The following DTNBP1 variants were observed in gnomAD, a reference collection of about 807,000 sequenced individuals.
DTNBP1 encodes the protein dysbindin.
In DTNBP1, 35 loss-of-function variants were observed where a neutral mutation model predicts 42.8. That is an observed-to-expected ratio of 0.82 (90% confidence interval 0.63 to 1.09). DTNBP1 has a LOEUF of 1.09. DTNBP1 is among the 50% of genes least tolerant of loss of function. The pLI, the probability that DTNBP1 is intolerant of heterozygous loss-of-function variation, is 0.00. For synonymous variants in DTNBP1, 171 were observed against 162.2 expected (o/e 1.05, Z -0.41); for missense variants, 457 against 424.2 (o/e 1.08, Z -0.68).
intron 3 of DTNBP1, among the ~76,000 whole-genome samples, chr6:15,648,982 G>C (rs1206532044): frequency 6.6e-6 from 1 of 150,612 alleles, no homozygotes; most frequent in African/African-American, 2.5e-5. Context: ...ATACTCATTA[G>C]AGTAGCTATA....
At chr6:15,607,912 CCT>C (rs1554167909) in intron 6 of DTNBP1, among the ~76,000 whole-genome samples, 1 of 152,068 alleles carries the variant, frequency 6.6e-6, no homozygotes, top group Non-Finnish European at 1.5e-5. Flanking sequence ...ACCTTTCTGC[CCT>C]GTTTTTCACA....
At chr6:15,662,633 C>T (rs1248515053) in intron 1 of DTNBP1, among the ~76,000 whole-genome samples, 181 bp downstream of exon 1, 1 of 152,032 alleles carries the variant, frequency 6.6e-6, no homozygotes, top group Non-Finnish European at 1.5e-5. Context: ...ACCTAAGTTA[C>T]TTTGCGCCGC....
intron 7 of DTNBP1, among the ~76,000 whole-genome samples, chr6:15,573,066 T>A (rs2113533890): frequency 6.6e-6 from 1 of 152,350 alleles, no homozygotes; most frequent in East Asian, 1.9e-4. Context: ...CACTGCCTAA[T>A]ATGTACACAT....
chr6:15,652,182 G>T (rs1562014879), intron 1 of DTNBP1, 42 bp from the exon 2 acceptor site: 2 of 1,470,164 alleles, frequency 1.4e-6, no homozygotes, highest in Admixed American at 1.9e-5. Flanking sequence ...CAAGTCAAGA[G>T]ATTATTATTA....
chr6:15,530,852 G>A (rs1051116819), intron 8 of DTNBP1, among the ~76,000 whole-genome samples: 3 of 152,150 alleles, frequency 2.0e-5, no homozygotes, highest in Non-Finnish European at 2.9e-5. Context: ...TGAGACATTG[G>A]TGCGATGTGT....
intron 2 of DTNBP1, 63 bp downstream of exon 2, chr6:15,652,024 A>G: frequency 7.1e-7 from 1 of 1,411,432 alleles, no homozygotes; most frequent in African/African-American, 1.4e-5. Context: ...CACAATTGTG[A>G]ATACACCAAA....
At chr6:15,528,650 T>C (rs1319984666) in intron 8 of DTNBP1, among the ~76,000 whole-genome samples, 2 of 152,236 alleles carry the variant, frequency 1.3e-5, no homozygotes, top group Non-Finnish European at 2.9e-5. Flanking sequence ...GGCGAAGATG[T>C]AATCAGAATG....
chr6:15,634,200 G>A (rs2113759161), intron 4 of DTNBP1, among the ~76,000 whole-genome samples: 1 of 148,392 alleles, frequency 6.7e-6, no homozygotes, highest in African/African-American at 2.5e-5. Flanking sequence ...AAATATTGAG[G>A]CTGCAGATAT....
intron 7 of DTNBP1, among the ~76,000 whole-genome samples, chr6:15,573,375 A>T (rs1207540051): frequency 6.6e-6 from 1 of 152,236 alleles, no homozygotes; most frequent in East Asian, 1.9e-4. Flanking sequence ...ATTAACTCTA[A>T]TAAGAGATTA....
intron 4 of DTNBP1, among the ~76,000 whole-genome samples, chr6:15,635,213 G>C (rs1276029269): frequency 1.3e-5 from 2 of 152,098 alleles, no homozygotes; most frequent in Non-Finnish European, 2.9e-5. Context: ...CTGCCTCCCA[G>C]GTTCAAGCGA....
chr6:15,633,844 G>A (rs1005647447), intron 4 of DTNBP1, among the ~76,000 whole-genome samples: 4 of 152,026 alleles, frequency 2.6e-5, no homozygotes, highest in Non-Finnish European at 4.4e-5. Context: ...ATGATTCACT[G>A]AAGGCTCAGG....
At chr6:15,569,020 G>A (rs540404300) in intron 7 of DTNBP1, among the ~76,000 whole-genome samples, 1 of 152,226 alleles carries the variant, frequency 6.6e-6, no homozygotes, top group South Asian at 2.1e-4. Flanking sequence ...TTGAGATCTG[G>A]TGAAACCATC....
At chr6:15,633,905 C>T (rs13212086) in intron 4 of DTNBP1, among the ~76,000 whole-genome samples, 28,299 of 152,058 alleles carry the variant, frequency 0.19, 2,967 homozygotes, top group Non-Finnish European at 0.24. Flanking sequence ...TAAGGTATTA[C>T]ATTGCTTTTT....
intron 6 of DTNBP1, among the ~76,000 whole-genome samples, chr6:15,593,621 T>C (rs191706893): frequency 1.5e-3 from 223 of 152,356 alleles, no homozygotes; most frequent in Non-Finnish European, 2.5e-3. Context: ...AGGAATCTTC[T>C]GGTTTATTAT....
At chr6:15,576,042 A>G (rs1224195330) in intron 7 of DTNBP1, among the ~76,000 whole-genome samples, 10 of 152,072 alleles carry the variant, frequency 6.6e-5, no homozygotes, top group Admixed American at 6.5e-4. Flanking sequence ...CCTAGACCAC[A>G]GTTTTCTAAG....
At chr6:15,660,778 G>C (rs1033294472) in intron 1 of DTNBP1, among the ~76,000 whole-genome samples, 1 of 152,058 alleles carries the variant, frequency 6.6e-6, no homozygotes, top group Non-Finnish European at 1.5e-5. Context: ...TCTTACAAAG[G>C]TCAGGAGCAT....
chr6:15,580,551 G>A (rs907362726), intron 7 of DTNBP1, among the ~76,000 whole-genome samples: 2 of 152,132 alleles, frequency 1.3e-5, no homozygotes, highest in Non-Finnish European at 2.9e-5. Flanking sequence ...ATGAGGCAAT[G>A]CTCATTTCAT....
intron 7 of DTNBP1, among the ~76,000 whole-genome samples, chr6:15,571,802 C>T (rs2113528704): frequency 6.6e-6 from 1 of 152,270 alleles, no homozygotes; most frequent in African/African-American, 2.4e-5. Context: ...TTAGCAGGTA[C>T]AGAATAAACT....
intron 3 of DTNBP1, among the ~76,000 whole-genome samples, chr6:15,641,360 T>C (rs1760340610): frequency 6.6e-6 from 1 of 151,908 alleles, no homozygotes; most frequent in South Asian, 2.1e-4. Flanking sequence ...CCTGTCAGAG[T>C]GCCCAAGGGA....
Sources: allele counts gnomAD v4.1 joint callset (sites outside exome capture counted in the v4.1 genomes callset), GRCh38; gene constraint gnomAD v4.1.1; transcripts MANE v1.5; gene names NCBI Gene and HGNC (gene_info 2026-07-23, HGNC 2026-07-21).